MYOCD: variants seen among roughly 807,000 people sequenced by gnomAD.
MYOCD encodes the protein myocardin.
A neutral mutation model predicts 96.1 loss-of-function variants in MYOCD; 32 were observed. The ratio of observed to expected loss-of-function variants is 0.33; its 90% CI spans 0.25 to 0.45. MYOCD has a LOEUF of 0.45. MYOCD is among the 20% of genes least tolerant of loss of function. The pLI is 1.00. For missense variants in MYOCD, 1,133 were observed against 1,200.6 expected (o/e 0.94, Z 0.83); for synonymous variants, 469 against 469.0 (o/e 1.00, Z 0.00).
chr17:12,763,687 A>G lies in MYOCD; in HGVS notation c.*43A>G, dbSNP rs749024951. On this transcript the variant is annotated 3_prime_UTR_variant, in exon 14 of 14. Coordinates refer to ENST00000425538, the MANE Select transcript of MYOCD (RefSeq NM_001146312.3). ...TGCTATGGAAGACCAATGGAGTTCC[A>G]TGGGGGAAAGCACACAGCCATACAT... 75 of 1,530,738 alleles carry G rather than the reference A, an allele frequency of 4.9e-5. No homozygotes were observed. Among genetic ancestry groups the G allele is most frequent in the Middle Eastern group, 1.7e-4 (1 of 5,726 alleles). 94.8% of individuals were successfully genotyped at this position (1,530,738 alleles called of 1,614,324 possible). A position where few individuals can be genotyped will look rare whatever the true frequency, so the allele number is the denominator to read the frequency against.
At chr17:12,723,585 T>G (rs2031911243) in intron 5 of MYOCD, among the ~76,000 whole-genome samples, 1 of 152,216 alleles carries the variant, frequency 6.6e-6, no homozygotes, top group East Asian at 1.9e-4. Context: ...CAAATACTGA[T>G]TCTGTTATAA....
At chr17:12,673,181 A>G (rs140355883) in intron 1 of MYOCD, among the ~76,000 whole-genome samples, 54 of 152,188 alleles carry the variant, frequency 3.5e-4, no homozygotes, top group African/African-American at 1.2e-3. Flanking sequence ...GTCCTAGGTA[A>G]AGTTCCACAA....
chr17:12,742,187 A>T (rs1273567332), intron 7 of MYOCD, among the ~76,000 whole-genome samples: 1 of 152,150 alleles, frequency 6.6e-6, no homozygotes, highest in African/African-American at 2.4e-5. Flanking sequence ...AGGACAGAAG[A>T]CTGATTAACT....
rs757541827 is a variant in MYOCD, at chr17:12,752,526, C to T, written c.1238C>T (p.Pro413Leu). The change falls in exon 10 of 14, where the codon CCG becomes CTG. Residue 413 changes from proline (P) to leucine (L), a missense_variant. Pro to Leu is a moderately conservative substitution (Grantham distance 98). Coordinates refer to ENST00000425538, the MANE Select transcript of MYOCD (RefSeq NM_001146312.3). ...PFQDCSGNPV[P>L]NFGDITTVTF... is the part of the protein sequence containing the mutation. ...CAGGACTGCTCTGGCAACCCAGTGC[C>T]GAACTTTGGGGATATAACGACTGTC... 3 of 1,614,034 alleles carry T rather than the reference C, an allele frequency of 1.9e-6. No homozygotes were observed. Among genetic ancestry groups the T allele is most frequent in the Non-Finnish European group, 2.5e-6 (3 of 1,180,038 alleles).
At chr17:12,726,488 A>T (rs2032003575) in intron 5 of MYOCD, among the ~76,000 whole-genome samples, 1 of 152,158 alleles carries the variant, frequency 6.6e-6, no homozygotes, top group Non-Finnish European at 1.5e-5. Flanking sequence ...TATTAAAAAA[A>T]ATCTCAACCT....
In MYOCD at chr17:12,744,374, CCAG is replaced by C. The variant is rs536181176; in HGVS notation, c.927_929del (p.Gln310del). On this transcript the variant is annotated inframe_deletion, in exon 8 of 14. Transcript: ENST00000425538. ...TGTTCCTGCAGCTCCAAATCCTCAG[CCAG>C]CAGCAGCAGCAGCAGCAACACCGAT... 1.3e-4 allele frequency: 207 copies of C among 1,578,270 alleles called. No individual in the cohort carries two copies. Among genetic ancestry groups the C allele is most frequent in the Admixed American group, 4.5e-4 (26 of 58,396 alleles).
At chr17:12,739,608 A>G (rs2032448310) in intron 7 of MYOCD, among the ~76,000 whole-genome samples, 1 of 152,176 alleles carries the variant, frequency 6.6e-6, no homozygotes, top group South Asian at 2.1e-4. Context: ...AAGATTTCAT[A>G]AGCTCACCTT....
At chr17:12,740,637 T>A (rs2032478571) in intron 7 of MYOCD, among the ~76,000 whole-genome samples, 1 of 152,206 alleles carries the variant, frequency 6.6e-6, no homozygotes, top group Non-Finnish European at 1.5e-5. Flanking sequence ...AACACCAGCA[T>A]CGCATCTCAC....
At chr17:12,696,581 T>A (rs1376416727) in intron 1 of MYOCD, among the ~76,000 whole-genome samples, 2 of 152,116 alleles carry the variant, frequency 1.3e-5, no homozygotes, top group Non-Finnish European at 2.9e-5. Context: ...CCACCACTTG[T>A]TTTCTGTTTT....
intron 2 of MYOCD, chr17:12,706,004 A>T (rs1017364600): frequency 6.6e-6 from 1 of 152,224 alleles, no homozygotes; most frequent in Non-Finnish European, 1.5e-5. Context: ...TTGAAGCCCT[A>T]TGTATAGCCC....
chr17:12,677,469 T>C (rs12150352), intron 1 of MYOCD, among the ~76,000 whole-genome samples: 21,006 of 151,966 alleles, frequency 0.14, 2,929 homozygotes, highest in African/African-American at 0.36. Flanking sequence ...TCCCAGCACT[T>C]TGGGAGGCCA....
chr17:12,736,807 G>T (rs975197365), intron 6 of MYOCD, among the ~76,000 whole-genome samples: 2 of 152,166 alleles, frequency 1.3e-5, no homozygotes, highest in African/African-American at 2.4e-5. Context: ...GGCCCACGTT[G>T]CTTCTGCTTT....
chr17:12,707,851 G>T (rs1323069197), intron 2 of MYOCD, among the ~76,000 whole-genome samples: 2 of 152,098 alleles, frequency 1.3e-5, no homozygotes, highest in Non-Finnish European at 2.9e-5. Context: ...GAAAGTAAAA[G>T]AAAAGGAGAA....
intron 1 of MYOCD, among the ~76,000 whole-genome samples, chr17:12,684,753 G>A (rs2030007173): frequency 6.7e-6 from 1 of 150,318 alleles, no homozygotes; most frequent in Admixed American, 6.6e-5. Context: ...GGCTGAGGCA[G>A]GAGAATCGCT....
intron 1 of MYOCD, among the ~76,000 whole-genome samples, chr17:12,697,871 A>AG (rs1402431950): frequency 6.6e-6 from 1 of 152,244 alleles, no homozygotes; most frequent in African/African-American, 2.4e-5. Flanking sequence ...CAGTAAGCAA[A>AG]GGAAATTTTT....
intron 1 of MYOCD, among the ~76,000 whole-genome samples, chr17:12,677,897 T>C (rs1325407370): frequency 3.5e-5 from 3 of 85,554 alleles, no homozygotes; most frequent in African/African-American, 1.6e-4. Context: ...TTCTTTTTTG[T>C]TTTTTTTTTT....
intron 10 of MYOCD, among the ~76,000 whole-genome samples, chr17:12,755,577 C>A (rs1009272800): frequency 1.3e-5 from 2 of 151,870 alleles, no homozygotes; most frequent in Admixed American, 1.3e-4. Context: ...CCCATTTCTA[C>A]TAAAAATACA....
intron 5 of MYOCD, among the ~76,000 whole-genome samples, chr17:12,732,859 A>C (rs2032219937): frequency 6.6e-6 from 1 of 152,164 alleles, no homozygotes; most frequent in African/African-American, 2.4e-5. Flanking sequence ...CCACCCCTTT[A>C]CTGAGGCAAG....
chr17:12,731,552 A>C (rs1255382572), intron 5 of MYOCD, among the ~76,000 whole-genome samples: 1 of 152,180 alleles, frequency 6.6e-6, no homozygotes, highest in South Asian at 2.1e-4. Context: ...GAAATTATTA[A>C]TCACTTACAC....
Sources: gnomAD v4.1 joint callset for allele counts (sites outside exome capture counted in the v4.1 genomes callset) on GRCh38, gnomAD v4.1.1 for gene constraint, MANE v1.5 for transcripts, NCBI Gene and HGNC (gene_info 2026-07-23, HGNC 2026-07-21) for gene names.